ASXL3: variants seen among roughly 807,000 people sequenced by gnomAD.
ASXL3 encodes putative Polycomb group protein ASXL3.
ASXL3 carries 34 observed loss-of-function variants against 170.6 expected under a neutral mutation model. That is an observed-to-expected ratio of 0.20 (90% CI 0.15 to 0.27). ASXL3 has a LOEUF of 0.27. Among genes scored for constraint, ASXL3 ranks in the 10% least tolerant of loss-of-function variants. The pLI, the probability that ASXL3 is intolerant of heterozygous loss-of-function variation, is 1.00. For missense variants in ASXL3, 2,592 were observed against 2,695.3 expected, an observed-to-expected ratio of 0.96 and a Z score of 0.85; for synonymous variants, 1,002 against 989.1, an observed-to-expected ratio of 1.01 and a Z score of -0.24.
intron 2 of ASXL3, among the ~76,000 whole-genome samples, chr18:33,619,775 C>A (rs2065481071): frequency 6.6e-6 from 1 of 152,026 alleles, no homozygotes; most frequent in Non-Finnish European, 1.5e-5. Context: ...GTAGATAATC[C>A]AAAAGGTAAT....
rs761077327 is a variant in ASXL3 at position 33,744,127 on chromosome 18, G to A, written c.4279G>A (p.Asp1427Asn). The A allele has an allele frequency of 4.3e-6, 7 of 1,614,022 alleles. No individual in the cohort carries two copies. In the East Asian group the frequency reaches 1.1e-4, roughly 26 times the overall value. ...TGNMLTINSY[D>N]SPPKLSAESL... ...AAACATGCTGACAATAAACTCTTAT[G>A]ATAGTCCTCCCAAGTTAAGTGCTGA... The change falls in exon 12 of 12, where the codon GAT (aspartate) becomes AAT (asparagine). Residue 1427 changes from aspartate (D) to asparagine (N), a missense_variant. By Grantham distance (23) the Asp-to-Asn change is conservative. Coordinates refer to ENST00000269197, the MANE Select transcript of ASXL3 (RefSeq NM_030632.3).
chr18:33,616,868 G>A (rs1421751317), intron 2 of ASXL3: 1 of 152,040 alleles, frequency 6.6e-6, no homozygotes, highest in African/African-American at 2.4e-5. Context: ...TTGGATCAGG[G>A]CCCCATCCTT....
chr18:33,618,633 T>A (rs2065464866), intron 2 of ASXL3, among the ~76,000 whole-genome samples: 1 of 152,126 alleles, frequency 6.6e-6, no homozygotes, highest in African/African-American at 2.4e-5. Flanking sequence ...TCTGTGTTCT[T>A]GAGACTGTAG....
intron 1 of ASXL3, 36 bp from the exon 2 acceptor site, chr18:33,607,558 A>G (rs2065268711): frequency 1.4e-6 from 2 of 1,459,280 alleles, no homozygotes; most frequent in African/African-American, 1.4e-5. Flanking sequence ...GTATGCTGCC[A>G]TGCAATAATC....
intron 4 of ASXL3, among the ~76,000 whole-genome samples, chr18:33,656,988 A>G (rs567030285): frequency 2.6e-5 from 4 of 152,276 alleles, no homozygotes; most frequent in South Asian, 2.1e-4. Flanking sequence ...ATGAACATTA[A>G]TAGATCGACT....
chr18:33,669,694 A>T (rs1054526441), intron 5 of ASXL3, among the ~76,000 whole-genome samples: 4 of 152,202 alleles, frequency 2.6e-5, no homozygotes, highest in Non-Finnish European at 5.9e-5. Flanking sequence ...GTCGAAGAAC[A>T]TTAATCAAGT....
At chr18:33,585,184 T>A (rs1168515549) in intron 1 of ASXL3, among the ~76,000 whole-genome samples, 1 of 151,902 alleles carries the variant, frequency 6.6e-6, no homozygotes, top group African/African-American at 2.4e-5. Flanking sequence ...AAACTTTTCC[T>A]TTAAAGCTCA....
chr18:33,736,270 A>G (rs2145406911), intron 10 of ASXL3, among the ~76,000 whole-genome samples: 1 of 152,240 alleles, frequency 6.6e-6, no homozygotes, highest in African/African-American at 2.4e-5. Context: ...GATGACAGCT[A>G]TGATATTATA....
Position 33,738,885 on chromosome 18 carries a change from C to G in ASXL3, c.1481C>G (p.Pro494Arg). 2 of 1,613,516 alleles carry G rather than the reference C, an allele frequency of 1.2e-6. No homozygotes were observed. Among genetic ancestry groups the G allele is most frequent in the Admixed American group, 3.3e-5 (2 of 59,936 alleles). ...TNSHEEPQIA[P>R]PEDNLESCVM... ...TCTCATGAAGAACCCCAAATAGCAC[C>G]TCCTGAAGATAACTTGGAATCCTGT... The change falls in exon 11 of 12, where the codon CCT becomes CGT. Residue 494 changes from proline (P) to arginine (R), a missense_variant. Pro to Arg is a moderately radical substitution (Grantham distance 103). Around this residue, in one of 4 missense-constraint regions of ASXL3, gnomAD observed 2,246 missense variants for 2,219.6 expected, o/e 1.01. Transcript: ENST00000269197.
intron 8 of ASXL3, among the ~76,000 whole-genome samples, chr18:33,687,863 T>C (rs1029710989): frequency 2.0e-5 from 3 of 152,212 alleles, no homozygotes; most frequent in African/African-American, 7.2e-5. Context: ...GGACATTTAT[T>C]GGCTCAGTTA....
At chr18:33,638,749 TG>T (rs2065806334) in intron 2 of ASXL3, among the ~76,000 whole-genome samples, 1 of 152,170 alleles carries the variant, frequency 6.6e-6, no homozygotes, top group African/African-American at 2.4e-5. Context: ...TCTATAAAAC[TG>T]GGAATCATGC....
At chr18:33,624,291 CTCAGCATTTTTT>C (rs1326821972) in intron 2 of ASXL3, among the ~76,000 whole-genome samples, 1 of 151,830 alleles carries the variant, frequency 6.6e-6, no homozygotes, top group Non-Finnish European at 1.5e-5. Flanking sequence ...TTATTTGTAA[CTCAGCATTTTTT>C]TTTTTTACTG....
chr18:33,720,120 C>T (rs958527882), intron 8 of ASXL3, among the ~76,000 whole-genome samples: 3 of 152,000 alleles, frequency 2.0e-5, no homozygotes, highest in African/African-American at 7.2e-5. Flanking sequence ...GTTAGATACC[C>T]AGACTTGGGG....
Position 33,640,494 on chromosome 18 carries a change from C to T in ASXL3, c.138-4400C>T, listed in dbSNP as rs529136215. ...TTTAGGAGCCATCCTCATTCTTCTCCACTAGTAGAGACACGCCCATTAAAT... is the reference window on the plus strand; with the variant it reads ...TTTAGGAGCCATCCTCATTCTTCTCTACTAGTAGAGACACGCCCATTAAAT... On this transcript the variant is annotated intron_variant, in intron 2 of 11. Transcript: ENST00000269197. 5.1e-4 allele frequency among the ~76,000 whole-genome samples: 78 copies of T among 152,096 alleles called. 2 individuals are homozygous for T. In the South Asian group the frequency reaches 0.013, roughly 25 times the overall value.
intron 1 of ASXL3, among the ~76,000 whole-genome samples, chr18:33,583,063 TG>T (rs2065006511): frequency 6.6e-6 from 1 of 152,324 alleles, no homozygotes; most frequent in African/African-American, 2.4e-5. Context: ...GTATTGTAGC[TG>T]TTAAAATTTT....
At position 33,646,260 on chromosome 18, in the gene ASXL3, T is replaced by C; in HGVS notation, c.262T>C (p.Cys88Arg). ...LYALKKEESS[C>R]PADGTLDLVC... is the part of the protein sequence containing the mutation. ...AATAATACAGAAAGAGGAGTCGTCATGCCCAGCAGATGGCACGTTGGATTT... is the reference window on the plus strand; with the variant it reads ...AATAATACAGAAAGAGGAGTCGTCACGCCCAGCAGATGGCACGTTGGATTT... The change falls in exon 4 of 12, where the codon TGC becomes CGC. Residue 88 changes from cysteine to arginine, a missense_variant. Cys to Arg is a radical substitution (Grantham distance 180). This residue lies in a region of ASXL3 where 251 missense variants were observed against 281.9 expected (regional missense o/e 0.89). Coordinates refer to ENST00000269197, the MANE Select transcript of ASXL3 (RefSeq NM_030632.3). 6.2e-7 allele frequency: 1 copy of C among 1,611,232 alleles called. No individual in the cohort carries two copies.
chr18:33,644,023 C>T (rs981911379), intron 2 of ASXL3, among the ~76,000 whole-genome samples: 4 of 151,796 alleles, frequency 2.6e-5, no homozygotes, highest in African/African-American at 7.2e-5. Flanking sequence ...TATTAGTTTG[C>T]AATCAAAACA....
chr18:33,723,171 G>A (rs1478156827), intron 8 of ASXL3, among the ~76,000 whole-genome samples: 1 of 152,094 alleles, frequency 6.6e-6, no homozygotes, highest in Non-Finnish European at 1.5e-5. Flanking sequence ...GCAGCATATG[G>A]ATCAAGGAGT....
chr18:33,681,151 A>G (rs762800455), intron 7 of ASXL3, among the ~76,000 whole-genome samples: 5 of 151,980 alleles, frequency 3.3e-5, no homozygotes, highest in Non-Finnish European at 5.9e-5. Context: ...TTTCAATTAC[A>G]TCTTACCATG....
Sources: allele counts gnomAD v4.1 joint callset (sites outside exome capture counted in the v4.1 genomes callset), GRCh38; gene constraint gnomAD v4.1.1; regional missense constraint gnomAD v4.1.1; transcripts MANE v1.5; gene names NCBI Gene and HGNC (gene_info 2026-07-23, HGNC 2026-07-21).